COX7B2: variants seen among roughly 807,000 people sequenced by gnomAD.
COX7B2 encodes cytochrome c oxidase subunit 7B2, mitochondrial.
For synonymous variants in COX7B2, 37 were observed against 32.1 expected, an observed-to-expected ratio of 1.15 and a Z score of -0.51; for missense variants, 109 against 95.9, an observed-to-expected ratio of 1.14 and a Z score of -0.57.
rs1443909150 is a variant in COX7B2 at position 46,887,568 on chromosome 4, G to A, written c.-105+21592C>T. ...CTACCACAAATACAAAAAATTAGCC[G>A]GGCGTGGTGGCAGGCGCCTGTAGTC... On this transcript the variant is annotated intron_variant, in intron 1 of 2. Coordinates refer to ENST00000355591, the MANE Select transcript of COX7B2 (RefSeq NM_130902.3). Among the ~76,000 whole-genome samples the A allele has an allele frequency of 6.6e-5, 10 of 151,908 alleles. 1 individual carries two copies. In the East Asian group the frequency reaches 1.6e-3, roughly 24 times the overall value.
In COX7B2 at chr4:46,745,226, A is replaced by G. The variant is rs572966425; in HGVS notation, c.-49-9985T>C. Among the ~76,000 whole-genome samples the G allele has an allele frequency of 2.0e-4, 31 of 152,268 alleles. No individual in the cohort carries two copies. In the South Asian group the frequency reaches 4.8e-3, roughly 23 times the overall value. On this transcript the variant is annotated intron_variant, in intron 2 of 2. Transcript: ENST00000355591. Reference sequence around the variant, plus strand: ...ACCTTGCTTCTGCAAACTCCAGATTATTTATTTCCAACTTGGACTATCTCT... The same window carrying G: ...ACCTTGCTTCTGCAAACTCCAGATTGTTTATTTCCAACTTGGACTATCTCT...
At chr4:46,831,387 T>C (rs1289885254) in intron 2 of COX7B2, among the ~76,000 whole-genome samples, 1 of 151,836 alleles carries the variant, frequency 6.6e-6, no homozygotes, top group Non-Finnish European at 1.5e-5. Flanking sequence ...CACCCCCGGC[T>C]CCACGGCACC....
intron 1 of COX7B2, among the ~76,000 whole-genome samples, chr4:46,857,772 A>G (rs1717085938): frequency 6.6e-6 from 1 of 152,196 alleles, no homozygotes. Flanking sequence ...ATGCAATACT[A>G]AAGTTTCAGT....
chr4:46,874,193 C>T (rs542701294), intron 1 of COX7B2, among the ~76,000 whole-genome samples: 2 of 152,138 alleles, frequency 1.3e-5, no homozygotes, highest in Non-Finnish European at 2.9e-5. Flanking sequence ...AAAATACATG[C>T]ATAATTTAAA....
chr4:46,826,004 G>T (rs1714665626), intron 2 of COX7B2, among the ~76,000 whole-genome samples: 1 of 152,144 alleles, frequency 6.6e-6, no homozygotes, highest in South Asian at 2.1e-4. Flanking sequence ...AAAAGCTATT[G>T]CAACAAAAGC....
intron 2 of COX7B2, among the ~76,000 whole-genome samples, chr4:46,830,346 AAAAG>A (rs1266793960): frequency 1.3e-5 from 2 of 151,812 alleles, no homozygotes; most frequent in South Asian, 2.1e-4. Context: ...AAAAAAAAGA[AAAAG>A]AAAGAGAAAA....
chr4:46,899,575 A>G (rs893256025), intron 1 of COX7B2, among the ~76,000 whole-genome samples: 2 of 152,094 alleles, frequency 1.3e-5, no homozygotes, highest in African/African-American at 4.8e-5. Context: ...TTTTTCGCCA[A>G]TGAGAGAGAG....
intron 1 of COX7B2, among the ~76,000 whole-genome samples, chr4:46,882,977 T>G (rs1459097156): frequency 1.3e-5 from 2 of 152,184 alleles, no homozygotes; most frequent in African/African-American, 4.8e-5. Context: ...GTTTAATAAA[T>G]ATGTTTCAGC....
intron 2 of COX7B2, among the ~76,000 whole-genome samples, chr4:46,797,510 C>A (rs981112145): frequency 6.6e-6 from 1 of 152,148 alleles, no homozygotes; most frequent in African/African-American, 2.4e-5. Flanking sequence ...TTTATTGGTT[C>A]CCTGACTATA....
chr4:46,755,006 A>C (rs1715690837), intron 2 of COX7B2, among the ~76,000 whole-genome samples: 1 of 150,674 alleles, frequency 6.6e-6, no homozygotes, highest in Non-Finnish European at 1.5e-5. Context: ...AAAAGAAAAC[A>C]TGCAGTGATG....
chr4:46,850,977 A>G (rs1468118203), intron 1 of COX7B2, among the ~76,000 whole-genome samples: 18 of 152,122 alleles, frequency 1.2e-4, no homozygotes, highest in Admixed American at 1.1e-3. Context: ...TTCTCTTCGG[A>G]TGTGAACTAA....
chr4:46,778,225 C>G (rs1472033352), intron 2 of COX7B2, among the ~76,000 whole-genome samples: 2 of 152,234 alleles, frequency 1.3e-5, no homozygotes, highest in Non-Finnish European at 2.9e-5. Flanking sequence ...TCAGAAGTAT[C>G]CATGAACAAG....
At chr4:46,788,422 A>T (rs1717864259) in intron 2 of COX7B2, among the ~76,000 whole-genome samples, 1 of 152,154 alleles carries the variant, frequency 6.6e-6, no homozygotes. Flanking sequence ...CTTGTTAAAC[A>T]TATGATATTT....
intron 2 of COX7B2, among the ~76,000 whole-genome samples, chr4:46,831,325 C>A (rs1715079449): frequency 6.6e-6 from 1 of 152,126 alleles, no homozygotes; most frequent in Non-Finnish European, 1.5e-5. Context: ...GCCCCCCCAA[C>A]CTCCCACCCC....
intron 2 of COX7B2, among the ~76,000 whole-genome samples, chr4:46,787,454 A>G (rs1470129937): frequency 1.3e-5 from 2 of 151,784 alleles, no homozygotes; most frequent in Admixed American, 1.3e-4. Flanking sequence ...TCTCAAATAA[A>G]AAAAAATAAA....
intron 2 of COX7B2, among the ~76,000 whole-genome samples, chr4:46,814,951 C>A (rs142025948): frequency 3.3e-4 from 50 of 151,956 alleles, no homozygotes; most frequent in Non-Finnish European, 6.6e-4. Context: ...TTTGGGTGGC[C>A]GAAGTGGGCG....
intron 1 of COX7B2, among the ~76,000 whole-genome samples, chr4:46,897,099 G>A (rs1446798347): frequency 1.3e-5 from 2 of 152,120 alleles, no homozygotes; most frequent in African/African-American, 4.8e-5. Flanking sequence ...TGTAGACTAT[G>A]GCTGGCTTCC....
At chr4:46,791,294 C>A (rs1718035199) in intron 2 of COX7B2, among the ~76,000 whole-genome samples, 1 of 152,060 alleles carries the variant, frequency 6.6e-6, no homozygotes, top group Non-Finnish European at 1.5e-5. Flanking sequence ...CAGGCGTGAG[C>A]CACCGTGCCC....
intron 1 of COX7B2, among the ~76,000 whole-genome samples, chr4:46,878,710 G>A (rs1222082652): frequency 6.6e-6 from 1 of 152,068 alleles, no homozygotes; most frequent in Admixed American, 6.5e-5. Flanking sequence ...TCAATATTTG[G>A]TTTCTACCTC....
Sources: allele counts gnomAD v4.1 joint callset (sites outside exome capture counted in the v4.1 genomes callset), GRCh38; gene constraint gnomAD v4.1.1; transcripts MANE v1.5; gene names NCBI Gene and HGNC (gene_info 2026-07-23, HGNC 2026-07-21).